Variants in MAPK9 observed in about 807,000 individuals in gnomAD.
The protein encoded by MAPK9 is Jun kinase.
In MAPK9, 30 loss-of-function variants were observed where a neutral mutation model predicts 57.1. The ratio of observed to expected loss-of-function variants is 0.53; its 90% CI spans 0.39 to 0.71. The LOEUF (loss-of-function observed/expected upper bound fraction) is 0.71, where lower values mean the gene tolerates loss of function less well. MAPK9 is among the 30% of genes least tolerant of loss of function. The probability of loss-of-function intolerance (pLI) is 0.00; values close to 1 mark genes in which losing one functional copy is unlikely to be tolerated. For missense variants in MAPK9, 362 were observed against 521.0 expected, an observed-to-expected ratio of 0.69 and a Z score of 2.97; for synonymous variants, 155 against 177.0, an observed-to-expected ratio of 0.88 and a Z score of 0.99.
intron 2 of MAPK9, among the ~76,000 whole-genome samples, chr5:180,270,746 G>C (rs1761186771): frequency 6.6e-6 from 1 of 151,736 alleles, no homozygotes; most frequent in Admixed American, 6.6e-5. Context: ...AGTTACTCAG[G>C]GGACTGAGGT....
At chr5:180,266,872 A>G (rs1285962266) in intron 3 of MAPK9, among the ~76,000 whole-genome samples, 1 of 152,206 alleles carries the variant, frequency 6.6e-6, no homozygotes, top group African/African-American at 2.4e-5. Context: ...ATTCACCTGG[A>G]CGAGTATGCA....
chr5:180,253,343 GCCCAC>G (rs1561800916), intron 5 of MAPK9, among the ~76,000 whole-genome samples: 2 of 152,208 alleles, frequency 1.3e-5, no homozygotes, highest in Non-Finnish European at 2.9e-5. Context: ...TGCGGAAGCC[GCCCAC>G]GAAAAGCCCC....
At chr5:180,242,473 T>A (rs1757747382) in intron 8 of MAPK9, 100 bp downstream of exon 8, 1 of 1,138,720 alleles carries the variant, frequency 8.8e-7, no homozygotes, top group African/African-American at 1.6e-5. Context: ...CTAAAATGAC[T>A]TTCTCTCCCA....
chr5:180,275,574 C>T (rs1041936954), intron 2 of MAPK9, among the ~76,000 whole-genome samples: 3 of 152,206 alleles, frequency 2.0e-5, no homozygotes, highest in African/African-American at 7.2e-5. Context: ...GCCCCACATG[C>T]TGAAGCTCCC....
Position 180,247,728 on chromosome 5 carries a change from G to T in MAPK9, c.617-218C>A. The T allele has an allele frequency of 8.9e-7, 1 of 1,119,396 alleles. No individual in the cohort carries two copies. Among genetic ancestry groups the T allele is most frequent in the Non-Finnish European group, 1.3e-6 (1 of 753,516 alleles). 69.3% of individuals were successfully genotyped at this position (1,119,396 alleles called of 1,614,324 possible). A position where few individuals can be genotyped will look rare whatever the true frequency, so the allele number is the denominator to read the frequency against. ...GTGCCAAAGAGTCCAATACTTTATA[G>T]CTTAAAACAAACAAACAAACAAACA... is the stretch of plus-strand genomic sequence containing the variant. On this transcript the variant is annotated intron_variant, in intron 6 of 11. Coordinates refer to ENST00000452135, the MANE Select transcript of MAPK9 (RefSeq NM_002752.5). The surrounding 1 kb of genome is among the most constrained non-coding windows in gnomAD (Gnocchi z 4.5).
chr5:180,268,093 G>C (rs562956746), intron 3 of MAPK9, among the ~76,000 whole-genome samples: 1 of 152,116 alleles, frequency 6.6e-6, no homozygotes, highest in African/African-American at 2.4e-5. Context: ...TAAAGTGCTG[G>C]GATTACAGGC....
intron 5 of MAPK9, among the ~76,000 whole-genome samples, chr5:180,256,271 A>C (rs894747556): frequency 6.6e-6 from 1 of 152,212 alleles, no homozygotes. Context: ...GTATTAAACC[A>C]TTTTAATAGG....
At chr5:180,290,897 ACAT>A (rs1365130408) in intron 1 of MAPK9, among the ~76,000 whole-genome samples, 1 of 152,270 alleles carries the variant, frequency 6.6e-6, no homozygotes, top group Non-Finnish European at 1.5e-5. Flanking sequence ...TCACAAAGTT[ACAT>A]CCTAGTCGGG....
chr5:180,271,187 TAA>T (rs34111455), intron 2 of MAPK9, among the ~76,000 whole-genome samples: 26 of 152,204 alleles, frequency 1.7e-4, no homozygotes, highest in Non-Finnish European at 3.4e-4. Flanking sequence ...TTTGTCATTT[TAA>T]AAAAGTTTTT....
intron 4 of MAPK9, chr5:180,262,969 C>CT (rs1760141045): frequency 6.6e-6 from 1 of 152,276 alleles, no homozygotes; most frequent in African/African-American, 2.4e-5. Flanking sequence ...TCTTAGTGAT[C>CT]TCAGTTACAG....
rs34681088 is a variant in MAPK9, at chr5:180,266,820, C to T, written c.253-1981G>A. Among the ~76,000 whole-genome samples, 198 of 152,266 alleles carry T rather than the reference C, an allele frequency of 1.3e-3. 1 individual carries two copies. The East Asian group carries it at 0.031, about 24-fold the overall frequency. On this transcript the variant is annotated intron_variant, in intron 3 of 11. Transcript: ENST00000452135. ...GGTCAATTTGTCAGTATATTTTAAA[C>T]TAGAAGTGTGTGTACTCTGACCTGA...
intron 5 of MAPK9, among the ~76,000 whole-genome samples, chr5:180,261,189 G>C (rs1759915358): frequency 6.6e-6 from 1 of 152,182 alleles, no homozygotes; most frequent in Non-Finnish European, 1.5e-5. Context: ...AGGGAAGCTG[G>C]CACGGCAGAA....
chr5:180,283,354 G>A (rs1222621031), intron 1 of MAPK9, among the ~76,000 whole-genome samples: 1 of 152,136 alleles, frequency 6.6e-6, no homozygotes, highest in African/African-American at 2.4e-5. Context: ...GCTGGCTGAG[G>A]GATCAGCTGT....
chr5:180,261,377 C>G (rs1759937126), intron 5 of MAPK9, among the ~76,000 whole-genome samples: 1 of 152,168 alleles, frequency 6.6e-6, no homozygotes, highest in Non-Finnish European at 1.5e-5. Flanking sequence ...AGTTCTCTGT[C>G]CTATTCTTGA....
At chr5:180,258,028 ATGGTAACACACAC>A (rs1205645727) in intron 5 of MAPK9, 1 of 152,512 alleles carries the variant, frequency 6.6e-6, no homozygotes, top group African/African-American at 2.4e-5. Context: ...CCAAAGACAC[ATGGTAACACACAC>A]TGGTAACAGG....
intron 5 of MAPK9, among the ~76,000 whole-genome samples, chr5:180,249,812 T>C (rs1758494466): frequency 6.6e-6 from 1 of 152,356 alleles, no homozygotes; most frequent in Non-Finnish European, 1.5e-5. Flanking sequence ...AGAAAAATAC[T>C]GAGATATTTT....
chr5:180,291,987 C>A lies in MAPK9; in HGVS notation c.-187G>T. The A allele has an allele frequency of 6.3e-6, 1 of 159,554 alleles. No homozygotes were observed. The highest frequency in any genetic ancestry group is 1.3e-5 in the Non-Finnish European group (1 of 75,916). The allele number at this position is 159,554 out of a possible 1,614,324, so 9.9% of individuals were successfully genotyped here. On this transcript the variant is annotated 5_prime_UTR_variant, in exon 1 of 12. Transcript: ENST00000452135. ...CGCTCCGCCCCGCCGCCGCCGCCGC[C>A]GCCGCCGCCGCAGTGGGTGTGAGGG...
In MAPK9 at chr5:180,242,727, C is replaced by T; in HGVS notation, c.717G>A (p.Glu239=). Residue 239 remains glutamate, a synonymous_variant, in exon 8 of 12, where the codon GAG becomes GAA. Coordinates refer to ENST00000452135, the MANE Select transcript of MAPK9 (RefSeq NM_002752.5). ...ACTCTGCTGATGGTGTTCCCAGCTG[C>T]TCAATAACTTTATTCCACTGATCAA... ...DHIDQWNKVI[E]QLGTPSAEFM... 3.1e-6 allele frequency: 5 copies of T among 1,613,684 alleles called. No individual in the cohort carries two copies. Among genetic ancestry groups the T allele is most frequent in the Non-Finnish European group, 4.2e-6 (5 of 1,179,922 alleles).
rs200626830 is a variant in MAPK9, at chr5:180,248,527, CAT to C, written c.616+444_616+445del. On this transcript the variant is annotated intron_variant, in intron 6 of 11. Transcript: ENST00000452135. ...AAAAGACACCAATTTTACATGAAAA[CAT>C]GTGTTATTCTATTTACATCAAATTC... 8.8e-3 allele frequency among the ~76,000 whole-genome samples: 1,333 copies of C among 152,314 alleles called. 8 individuals are homozygous for C. Among genetic ancestry groups the C allele is most frequent in the Non-Finnish European group, 0.013 (907 of 68,028 alleles).
Sources: allele counts gnomAD v4.1 joint callset (sites outside exome capture counted in the v4.1 genomes callset), GRCh38; gene constraint gnomAD v4.1.1; non-coding constraint Gnocchi (gnomAD v3.1); transcripts MANE v1.5; gene names NCBI Gene and HGNC (gene_info 2026-07-23, HGNC 2026-07-21).